MSRA: variants seen among roughly 807,000 people sequenced by gnomAD.
The protein encoded by MSRA is mitochondrial peptide methionine sulfoxide reductase.
In MSRA, 54 loss-of-function variants were observed where a neutral mutation model predicts 31.3. The observed-to-expected ratio is 1.73, with a 90% CI of 1.39 to 2.17. The LOEUF (loss-of-function observed/expected upper bound fraction) is 2.17, where lower values mean the gene tolerates loss of function less well. Ranked by LOEUF, MSRA falls within the 30% of genes most tolerant of loss-of-function variation. The pLI, the probability that MSRA is intolerant of heterozygous loss-of-function variation, is 0.00. For synonymous variants in MSRA, 169 were observed against 116.5 expected, an observed-to-expected ratio of 1.45 and a Z score of -2.90; for missense variants, 507 against 300.9, an observed-to-expected ratio of 1.69 and a Z score of -5.07.
At chr8:10,306,464 C>A (rs568285514) in intron 4 of MSRA, among the ~76,000 whole-genome samples, 2 of 151,692 alleles carry the variant, frequency 1.3e-5, no homozygotes, top group East Asian at 3.9e-4. Context: ...AAGTATTTAC[C>A]CTCCATCTAC....
chr8:10,314,585 A>G (rs1487088588), intron 4 of MSRA, among the ~76,000 whole-genome samples: 2 of 152,224 alleles, frequency 1.3e-5, no homozygotes, highest in African/African-American at 2.4e-5. Flanking sequence ...TACTCTGGAA[A>G]AATAGTTCAG....
intron 5 of MSRA, among the ~76,000 whole-genome samples, chr8:10,341,850 C>T (rs1345304909): frequency 1.3e-5 from 2 of 152,226 alleles, no homozygotes; most frequent in Non-Finnish European, 2.9e-5. Context: ...GGCGTGTGAA[C>T]ATTAAACAGT....
intron 1 of MSRA, among the ~76,000 whole-genome samples, chr8:10,146,413 T>C (rs1803151231): frequency 6.6e-6 from 1 of 151,748 alleles, no homozygotes. Flanking sequence ...GGCCAGAGGT[T>C]CTCTCCCTGG....
At chr8:10,416,518 G>T (rs539705244) in intron 5 of MSRA, among the ~76,000 whole-genome samples, 1 of 152,248 alleles carries the variant, frequency 6.6e-6, no homozygotes, top group South Asian at 2.1e-4. Context: ...GCTGGTTACT[G>T]TGGCAAAGGG....
At chr8:10,211,081 T>C (rs1218069834) in intron 2 of MSRA, among the ~76,000 whole-genome samples, 1 of 152,112 alleles carries the variant, frequency 6.6e-6, no homozygotes, top group East Asian at 1.9e-4. Context: ...TACCTTACCT[T>C]TAGAATGCTA....
intron 5 of MSRA, among the ~76,000 whole-genome samples, chr8:10,419,784 C>T (rs981295749): frequency 6.6e-6 from 1 of 152,186 alleles, no homozygotes; most frequent in Non-Finnish European, 1.5e-5. Flanking sequence ...CTCTTGCCAT[C>T]AGGTGACCCA....
In MSRA at chr8:10,089,891, G is replaced by A. The variant is rs188940711; in HGVS notation, c.142+35233G>A. 4.0e-3 allele frequency among the ~76,000 whole-genome samples: 608 copies of A among 152,270 alleles called. 19 individuals are homozygous for A. Among genetic ancestry groups the A allele is most frequent in the Non-Finnish European group, 3.4e-3 (230 of 68,020 alleles). On this transcript the variant is annotated intron_variant, in intron 1 of 5. Coordinates refer to ENST00000317173, the MANE Select transcript of MSRA (RefSeq NM_012331.5). ...GAGCTCACTTGATCCCTTGAGAATG[G>A]CACCAATCCGTTCATGTGGGATATG...
intron 3 of MSRA, among the ~76,000 whole-genome samples, chr8:10,262,333 C>T (rs137999333): frequency 2.0e-4 from 30 of 152,344 alleles, no homozygotes; most frequent in African/African-American, 7.0e-4. Flanking sequence ...TACCATTTTG[C>T]TACCAGCAGT....
At chr8:10,238,822 ATTATCT>A (rs1017435758) in intron 2 of MSRA, among the ~76,000 whole-genome samples, 9 of 152,200 alleles carry the variant, frequency 5.9e-5, no homozygotes, top group Non-Finnish European at 8.8e-5. Flanking sequence ...AATATAGGAT[ATTATCT>A]TTATCTTTAT....
chr8:10,087,762 G>C (rs1798643610), intron 1 of MSRA, among the ~76,000 whole-genome samples: 2 of 152,178 alleles, frequency 1.3e-5, no homozygotes, highest in Admixed American at 1.3e-4. Flanking sequence ...TTTCATTAGG[G>C]AGTGTTTTCT....
At chr8:10,255,676 G>A (rs1798139011) in intron 3 of MSRA, among the ~76,000 whole-genome samples, 1 of 151,888 alleles carries the variant, frequency 6.6e-6, no homozygotes, top group Non-Finnish European at 1.5e-5. Context: ...TTGATAGTTT[G>A]AAAATGCTCT....
At chr8:10,111,226 A>G (rs2220150) in intron 1 of MSRA, among the ~76,000 whole-genome samples, 137,266 of 152,036 alleles carry the variant, frequency 0.9, 62,101 homozygotes, top group East Asian at 0.96. Flanking sequence ...ACATGAATGT[A>G]TGGAGAATGA....
rs540503464 is a variant in MSRA, at chr8:10,365,894, G to C, written c.543+45905G>C. ...CTCCTGGCTCCAGGCATCTCGTTCTGCTCTCCATCCCTTCCTACCTCTGCA... is the reference window on the plus strand; with the variant it reads ...CTCCTGGCTCCAGGCATCTCGTTCTCCTCTCCATCCCTTCCTACCTCTGCA... On this transcript the variant is annotated intron_variant, in intron 5 of 5. Transcript: ENST00000317173. Among the ~76,000 whole-genome samples the C allele has an allele frequency of 2.0e-3, 301 of 152,342 alleles. 1 individual carries two copies. Among genetic ancestry groups the C allele is most frequent in the African/African-American group, 7.1e-3 (294 of 41,590 alleles).
chr8:10,426,193 C>T (rs1201602627), intron 5 of MSRA, among the ~76,000 whole-genome samples: 3 of 152,192 alleles, frequency 2.0e-5, no homozygotes, highest in Non-Finnish European at 4.4e-5. Flanking sequence ...CCCACGTGCT[C>T]ATTCTTAGAG....
intron 1 of MSRA, among the ~76,000 whole-genome samples, chr8:10,132,660 G>A (rs1471028923): frequency 6.6e-6 from 1 of 152,152 alleles, no homozygotes; most frequent in Non-Finnish European, 1.5e-5. Flanking sequence ...CATTCATGAT[G>A]GATCCACCTG....
intron 1 of MSRA, among the ~76,000 whole-genome samples, chr8:10,160,053 G>C (rs377256232): frequency 1.3e-5 from 2 of 152,312 alleles, no homozygotes; most frequent in Non-Finnish European, 1.5e-5. Context: ...GAGATCAAGT[G>C]CTTTTCTTCT....
chr8:10,287,339 A>G (rs978705876), intron 3 of MSRA, among the ~76,000 whole-genome samples: 1 of 152,222 alleles, frequency 6.6e-6, no homozygotes, highest in Middle Eastern at 3.2e-3. Flanking sequence ...CATCTTTGAA[A>G]TGTAAAACAG....
chr8:10,401,745 G>A (rs531440464), intron 5 of MSRA, among the ~76,000 whole-genome samples: 1 of 152,192 alleles, frequency 6.6e-6, no homozygotes, highest in Non-Finnish European at 1.5e-5. Context: ...AGAAAATTCT[G>A]ACATGTGCTA....
At chr8:10,257,988 G>T (rs994607519) in intron 3 of MSRA, among the ~76,000 whole-genome samples, 1 of 152,204 alleles carries the variant, frequency 6.6e-6, no homozygotes, top group Non-Finnish European at 1.5e-5. Context: ...CTTGGAGATA[G>T]AAAATAATAG....
Sources: allele counts gnomAD v4.1 joint callset (sites outside exome capture counted in the v4.1 genomes callset), GRCh38; gene constraint gnomAD v4.1.1; transcripts MANE v1.5; gene names NCBI Gene and HGNC (gene_info 2026-07-23, HGNC 2026-07-21).